The following ATP8A2 variants were observed in gnomAD, a reference collection of about 807,000 sequenced individuals.
ATP8A2 encodes ATPase phospholipid transporting 8A2, also known as phospholipid-transporting ATPase IB.
Under a neutral mutation model 165.6 loss-of-function variants are expected in ATP8A2, and 100 were observed. The observed-to-expected ratio is 0.60, with a 90% CI of 0.51 to 0.71. ATP8A2 has a LOEUF of 0.71. Ranked by LOEUF, ATP8A2 falls within the 30% of genes least tolerant of loss-of-function variation. ATP8A2 has a pLI of 0.00. For missense variants in ATP8A2, 1,227 were observed against 1,479.5 expected, an observed-to-expected ratio of 0.83 and a Z score of 2.80; for synonymous variants, 543 against 548.8, an observed-to-expected ratio of 0.99 and a Z score of 0.15.
At chr13:25,760,703 T>G (rs1036450247) in intron 25 of ATP8A2, among the ~76,000 whole-genome samples, 1 of 152,188 alleles carries the variant, frequency 6.6e-6, no homozygotes, top group Non-Finnish European at 1.5e-5. Context: ...AACAAGGAAA[T>G]TATTAGTAAA....
Position 25,462,639 on chromosome 13 carries a change from T to G in ATP8A2, c.77-6338T>G, listed in dbSNP as rs114618488. On this transcript the variant is annotated intron_variant, in intron 1 of 36. Coordinates refer to ENST00000381655, the MANE Select transcript of ATP8A2 (RefSeq NM_016529.6). ...GATCATTGGTCACATGAATTCAACC[T>G]CCATCCCCCTTTCCCCTTCCCAGAG... Among the ~76,000 whole-genome samples, 1,105 of 152,278 alleles carry G rather than the reference T, an allele frequency of 7.3e-3. 14 individuals carry two copies. The highest frequency in any genetic ancestry group is 0.025 in the African/African-American group (1,050 of 41,550).
At chr13:25,670,209 T>G (rs1233056582) in intron 24 of ATP8A2, among the ~76,000 whole-genome samples, 1 of 152,244 alleles carries the variant, frequency 6.6e-6, no homozygotes, top group African/African-American at 2.4e-5. Flanking sequence ...CTTGTTTGAG[T>G]GCCCTACTCC....
chr13:25,992,027 C>G (rs1956406731), intron 35 of ATP8A2, among the ~76,000 whole-genome samples: 1 of 149,978 alleles, frequency 6.7e-6, no homozygotes, highest in Non-Finnish European at 1.5e-5. Context: ...AGACATAATT[C>G]AAACACATAA....
At chr13:25,610,746 GTGT>G (rs1325956932) in intron 24 of ATP8A2, among the ~76,000 whole-genome samples, 2 of 151,732 alleles carry the variant, frequency 1.3e-5, no homozygotes, top group Non-Finnish European at 2.9e-5. Flanking sequence ...CCATTTGTTT[GTGT>G]TGTTTACGAT....
chr13:25,913,120 G>C (rs1954166996), intron 33 of ATP8A2, among the ~76,000 whole-genome samples: 1 of 152,198 alleles, frequency 6.6e-6, no homozygotes, highest in Non-Finnish European at 1.5e-5. Flanking sequence ...TACAGTGCCA[G>C]ATATAGAGTA....
intron 27 of ATP8A2, among the ~76,000 whole-genome samples, chr13:25,805,004 T>C (rs559430110): frequency 6.6e-6 from 1 of 152,330 alleles, no homozygotes; most frequent in South Asian, 2.1e-4. Context: ...CTCACTGACA[T>C]TAAACATTCA....
At chr13:25,460,851 A>G (rs1314115444) in intron 1 of ATP8A2, among the ~76,000 whole-genome samples, 4 of 152,204 alleles carry the variant, frequency 2.6e-5, no homozygotes, top group African/African-American at 9.7e-5. Flanking sequence ...TGGCTTCCTG[A>G]ATGAAATTGC....
chr13:25,427,520 G>C (rs1171386853), intron 1 of ATP8A2, among the ~76,000 whole-genome samples: 1 of 152,080 alleles, frequency 6.6e-6, no homozygotes, highest in Non-Finnish European at 1.5e-5. Context: ...ACATGAAAGT[G>C]GTCCCTGGTG....
At chr13:25,896,715 TC>T (rs1340514935) in intron 33 of ATP8A2, among the ~76,000 whole-genome samples, 1 of 152,222 alleles carries the variant, frequency 6.6e-6, no homozygotes, top group African/African-American at 2.4e-5. Flanking sequence ...ATCTGGGTGC[TC>T]CTGTATTGGG....
chr13:25,764,401 T>A (rs1013590078), intron 25 of ATP8A2, among the ~76,000 whole-genome samples: 1 of 152,242 alleles, frequency 6.6e-6, no homozygotes, highest in African/African-American at 2.4e-5. Context: ...TTTCTTGTAA[T>A]TGTTAACTGT....
At chr13:25,928,136 C>T (rs925204881) in intron 33 of ATP8A2, among the ~76,000 whole-genome samples, 1 of 152,132 alleles carries the variant, frequency 6.6e-6, no homozygotes, top group Non-Finnish European at 1.5e-5. Flanking sequence ...GGAAAGTGGC[C>T]CCAGCTTGGC....
chr13:25,920,059 A>G (rs1479640140), intron 33 of ATP8A2, among the ~76,000 whole-genome samples: 4 of 152,168 alleles, frequency 2.6e-5, no homozygotes, highest in Admixed American at 1.3e-4. Flanking sequence ...AAGTGCCAGG[A>G]CTACAGGTGT....
intron 33 of ATP8A2, among the ~76,000 whole-genome samples, chr13:25,887,784 CTTA>C (rs1210180377): frequency 6.6e-5 from 10 of 152,110 alleles, no homozygotes; most frequent in Admixed American, 4.6e-4. Context: ...TTAATCACTT[CTTA>C]TTAAGTTTTG....
At chr13:25,626,576 A>G (rs1156414287) in intron 24 of ATP8A2, among the ~76,000 whole-genome samples, 1 of 152,188 alleles carries the variant, frequency 6.6e-6, no homozygotes, top group African/African-American at 2.4e-5. Context: ...CCTTAAATAG[A>G]ACTCAGAGCT....
At chr13:25,815,383 T>C (rs1355022267) in intron 27 of ATP8A2, among the ~76,000 whole-genome samples, 4 of 152,138 alleles carry the variant, frequency 2.6e-5, no homozygotes, top group African/African-American at 9.7e-5. Flanking sequence ...GGCGAAAGAC[T>C]TGAGTAGACA....
intron 36 of ATP8A2, among the ~76,000 whole-genome samples, chr13:26,014,922 CAG>C (rs1452328249): frequency 6.6e-6 from 1 of 152,162 alleles, no homozygotes. Flanking sequence ...ATGCCAGACA[CAG>C]AGAAAACACA....
At chr13:25,802,223 A>G (rs1383099412) in intron 27 of ATP8A2, among the ~76,000 whole-genome samples, 2 of 152,196 alleles carry the variant, frequency 1.3e-5, no homozygotes, top group Admixed American at 1.3e-4. Context: ...CTTTACAAAT[A>G]TGAACAATGA....
chr13:25,578,002 A>G (rs1208502819), intron 20 of ATP8A2, among the ~76,000 whole-genome samples: 1 of 152,236 alleles, frequency 6.6e-6, no homozygotes, highest in Non-Finnish European at 1.5e-5. Context: ...AATGACTTCA[A>G]TTAAGCTCAT....
intron 34 of ATP8A2, among the ~76,000 whole-genome samples, chr13:25,962,920 CTAAG>C (rs993919150): frequency 2.6e-5 from 4 of 151,950 alleles, no homozygotes; most frequent in Admixed American, 1.3e-4. Flanking sequence ...TTCCTGTTCA[CTAAG>C]TTTTTTAACT....
Sources: gnomAD v4.1 joint callset for allele counts (sites outside exome capture counted in the v4.1 genomes callset) on GRCh38, gnomAD v4.1.1 for gene constraint, MANE v1.5 for transcripts, NCBI Gene and HGNC (gene_info 2026-07-23, HGNC 2026-07-21) for gene names.